The following COX18 variants were observed in gnomAD, a reference collection of about 807,000 sequenced individuals.
COX18 encodes the protein cytochrome c oxidase assembly factor COX18, also known as cytochrome c oxidase assembly protein COX18, mitochondrial.
Under a neutral mutation model 38.0 loss-of-function variants are expected in COX18, and 45 were observed. The ratio of observed to expected loss-of-function variants is 1.18; its 90% CI spans 0.93 to 1.52. The LOEUF (loss-of-function observed/expected upper bound fraction) is 1.52. Ranked by LOEUF, COX18 falls within the 40% of genes most tolerant of loss-of-function variation. COX18 has a pLI of 0.00. For synonymous variants in COX18, 177 were observed against 169.8 expected, an observed-to-expected ratio of 1.04 and a Z score of -0.33; for missense variants, 462 against 423.8, an observed-to-expected ratio of 1.09 and a Z score of -0.79.
intron 2 of COX18, 68 bp downstream of exon 2, chr4:73,067,961 T>C: frequency 2.6e-6 from 1 of 391,752 alleles, no homozygotes; most frequent in Non-Finnish European, 4.2e-6. Context: ...TGTATGTGTG[T>C]GTGTGTGTGT....
intron 5 of COX18, among the ~76,000 whole-genome samples, chr4:73,060,514 GA>G (rs2110048837): frequency 6.6e-6 from 1 of 152,110 alleles, no homozygotes; most frequent in East Asian, 1.9e-4. Flanking sequence ...TAGGATTAAT[GA>G]CAGTATTATG....
Position 73,055,506 on chromosome 4 carries a change from T to C in COX18, c.*2608A>G, listed in dbSNP as rs868338449. On this transcript the variant is annotated 3_prime_UTR_variant, in exon 6 of 6. Transcript: ENST00000507544. ...GAATGAAGCTTATCTAATATACTTA[T>C]TTTCTCCTAAGCCTTCCTGAGCTTA... 1 of 152,184 alleles carries C rather than the reference T, an allele frequency of 6.6e-6. No individual in the cohort carries two copies. The highest frequency in any genetic ancestry group is 1.5e-5 in the Non-Finnish European group (1 of 68,028). The allele number at this position is 152,184 out of a possible 1,614,324, so 9.4% of individuals were successfully genotyped here. A position where few individuals can be genotyped will look rare whatever the true frequency, so the allele number is the denominator to read the frequency against.
intron 4 of COX18, 64 bp from the exon 5 acceptor site, chr4:73,061,984 T>G: frequency 1.2e-6 from 1 of 858,602 alleles, no homozygotes; most frequent in Admixed American, 2.3e-5. Flanking sequence ...CAGACAAGCT[T>G]TAAAATATAA....
chr4:73,069,551 G>A lies in COX18; in HGVS notation c.99C>T (p.Ala33=), dbSNP rs552248026. Residue 33 remains alanine (A), a synonymous_variant, in exon 1 of 6, where the codon GCC becomes GCT. Coordinates refer to ENST00000507544, the MANE Select transcript of COX18 (RefSeq NM_001297732.2). ...CCCACACTGGGAGAGTGGGGCGCTT[G>A]GCGCCGCTCGTAGGAACCGGCGCAA... is the stretch of plus-strand genomic sequence containing the variant. ...LPLAPVPTSG[A]KRPTLPVWAV... is the part of the protein sequence containing the mutation. 37 of 1,571,752 alleles carry A rather than the reference G, an allele frequency of 2.4e-5. No individual in the cohort carries two copies. The African/African-American group carries it at 3.9e-4, about 17-fold the overall frequency.
intron 1 of COX18, chr4:73,068,607 C>G (rs1030098226): frequency 6.5e-6 from 1 of 152,884 alleles, no homozygotes; most frequent in African/African-American, 2.4e-5. Context: ...CTTAATGTTG[C>G]TGCTGATTCC....
intron 1 of COX18, chr4:73,068,615 TC>T (rs1246876562): frequency 6.5e-6 from 1 of 152,864 alleles, no homozygotes; most frequent in African/African-American, 2.4e-5. Flanking sequence ...TGCTGCTGAT[TC>T]CGTTCCTGTT....
At chr4:73,059,907 TAA>T (rs879908077) in intron 5 of COX18, among the ~76,000 whole-genome samples, 3 of 144,042 alleles carry the variant, frequency 2.1e-5, no homozygotes, top group Non-Finnish European at 4.6e-5. Context: ...GGCTGTCATC[TAA>T]AAAAAAAAAA....
rs777485102 is a variant in COX18, at chr4:73,064,947, C to T, written c.599-45G>A. ...AAAACAATAGAAGTCCTAAAAATAG[C>T]AGAGAAAAATATATAAGACATAAAT... On this transcript the variant is annotated intron_variant, in intron 3 of 5. Transcript: ENST00000507544. 2.3e-5 allele frequency: 37 copies of T among 1,581,432 alleles called. No homozygotes were observed. The East Asian group carries it at 7.9e-4, about 34-fold the overall frequency.
At position 73,065,991 on chromosome 4, in the gene COX18, A is replaced by G. The variant is rs111366711; in HGVS notation, c.435-578T>C. Among the ~76,000 whole-genome samples, 76 of 152,328 alleles carry G rather than the reference A, an allele frequency of 5.0e-4. No individual in the cohort carries two copies. In the South Asian group the frequency reaches 5.8e-3, roughly 12 times the overall value. On this transcript the variant is annotated intron_variant, in intron 2 of 5. Coordinates refer to ENST00000507544, the MANE Select transcript of COX18 (RefSeq NM_001297732.2). ...AGAATACAGTCTTCCTTCAGGTCCA[A>G]GAGAATAGGAGTTAAAAAACAAAAA... is the stretch of plus-strand genomic sequence containing the variant.
intron 2 of COX18, among the ~76,000 whole-genome samples, 167 bp downstream of exon 2, chr4:73,067,862 A>ATATAT (rs1720527949): frequency 3.8e-5 from 1 of 26,052 alleles, no homozygotes; most frequent in African/African-American, 7.1e-5. Context: ...AAAAAAAAAA[A>ATATAT]AAATATATAT....
Position 73,057,523 on chromosome 4 carries a change from A to C in COX18, c.*591T>G, listed in dbSNP as rs1719953143. The C allele has an allele frequency of 6.6e-6, 1 of 152,270 alleles. No homozygotes were observed. Among genetic ancestry groups the C allele is most frequent in the Non-Finnish European group, 1.5e-5 (1 of 68,086 alleles). The allele number at this position is 152,270 out of a possible 1,614,324, so 9.4% of individuals were successfully genotyped here. ...TTAACTTGCCATCATTCAGTAGCTAACCCTATTCTCCAAAGTTCTGGTAGC... is the reference window on the plus strand; with the variant it reads ...TTAACTTGCCATCATTCAGTAGCTACCCCTATTCTCCAAAGTTCTGGTAGC... On this transcript the variant is annotated 3_prime_UTR_variant, in exon 6 of 6. Coordinates refer to ENST00000507544, the MANE Select transcript of COX18 (RefSeq NM_001297732.2).
chr4:73,060,751 G>C (rs1195692000), intron 5 of COX18, among the ~76,000 whole-genome samples: 1 of 151,904 alleles, frequency 6.6e-6, no homozygotes, highest in African/African-American at 2.4e-5. Flanking sequence ...GTGGTGGCGT[G>C]TGCCTGTAAT....
rs1719897985 is a variant in COX18, at chr4:73,056,661, C to T, written c.*1453G>A. On this transcript the variant is annotated 3_prime_UTR_variant, in exon 6 of 6. Coordinates refer to ENST00000507544, the MANE Select transcript of COX18 (RefSeq NM_001297732.2). ...ATTAACTCAAGATCAATGTATGTTC[C>T]ATTAGAATAAGATTTATTAACTAGG... 1 of 152,078 alleles carries T rather than the reference C, an allele frequency of 6.6e-6. No homozygotes were observed. Among genetic ancestry groups the T allele is most frequent in the South Asian group, 2.1e-4 (1 of 4,824 alleles). The allele number at this position is 152,078 out of a possible 1,614,324, so 9.4% of individuals were successfully genotyped here.
intron 4 of COX18, among the ~76,000 whole-genome samples, chr4:73,063,289 G>C (rs1720268025): frequency 6.6e-6 from 1 of 151,964 alleles, no homozygotes; most frequent in African/African-American, 2.4e-5. Context: ...CTAGGAAACA[G>C]AGTGAGACTC....
rs978925713 is a variant in COX18 at position 73,069,413 on chromosome 4, G to A, written c.237C>T (p.Gly79=). ...GCAGAATGCTGCCCCACCAGGGCAGGCCCGTGGCGGCGTGCACGCCGAGCA... is the reference window on the plus strand; with the variant it reads ...GCAGAATGCTGCCCCACCAGGGCAGACCCGTGGCGGCGTGCACGCCGAGCA... ...EVLLGVHAAT[G]LPWWGSILLS... Residue 79 remains glycine (G), a synonymous_variant, in exon 1 of 6, where the codon GGC becomes GGT. Coordinates refer to ENST00000507544, the MANE Select transcript of COX18 (RefSeq NM_001297732.2). 1.7e-5 allele frequency: 26 copies of A among 1,570,150 alleles called. No homozygotes were observed. The Admixed American group carries it at 2.2e-4, about 14-fold the overall frequency.
chr4:73,067,864 A>AAAAATATATATATATATAT, intron 2 of COX18, among the ~76,000 whole-genome samples, 165 bp downstream of exon 2: 5 of 20,012 alleles, frequency 2.5e-4, no homozygotes, highest in Non-Finnish European at 3.1e-4. Flanking sequence ...AAAAAAAAAA[A>AAAAATATATATATATATAT]ATATATATAT....
At chr4:73,065,476 T>G in intron 2 of COX18, 63 bp from the exon 3 acceptor site, 1 of 1,419,718 alleles carries the variant, frequency 7.0e-7, no homozygotes, top group South Asian at 1.2e-5. Context: ...TCGTGCTTTA[T>G]TTCCATAGCA....
At position 73,055,357 on chromosome 4, in the gene COX18, A is replaced by C. The variant is rs1325926825; in HGVS notation, c.*2757T>G. 6.6e-6 allele frequency: 1 copy of C among 152,242 alleles called. No homozygotes were observed. The highest frequency in any genetic ancestry group is 1.5e-5 in the Non-Finnish European group (1 of 68,042). The allele number at this position is 152,242 out of a possible 1,614,324, so 9.4% of individuals were successfully genotyped here. A position where few individuals can be genotyped will look rare whatever the true frequency, so the allele number is the denominator to read the frequency against. On this transcript the variant is annotated 3_prime_UTR_variant, in exon 6 of 6. Transcript: ENST00000507544. ...ACACTGAAGTAGTGAATACCAAATC[A>C]CTGCTCCTAGAAAACATACAGGGTT...
At chr4:73,062,716 C>A (rs1720236362) in intron 4 of COX18, among the ~76,000 whole-genome samples, 1 of 151,848 alleles carries the variant, frequency 6.6e-6, no homozygotes, top group Non-Finnish European at 1.5e-5. Context: ...GTCTGCAGTC[C>A]CAGCTATTCA....
Sources: gnomAD v4.1 joint callset for allele counts (sites outside exome capture counted in the v4.1 genomes callset) on GRCh38, gnomAD v4.1.1 for gene constraint, MANE v1.5 for transcripts, NCBI Gene and HGNC (gene_info 2026-07-23, HGNC 2026-07-21) for gene names.